CHLSN: variants seen among roughly 807,000 people sequenced by gnomAD.
CHLSN encodes cholesin.
chr7:1,022,990 C>T, the CHLSN span: 57 of 469,278 alleles, frequency 1.2e-4, no homozygotes, highest in East Asian at 2.9e-3. Context: ...GGCAGGCACA[C>T]GTGAGCTCCT....
the CHLSN span, chr7:1,091,747 G>C: frequency 5.9e-6 from 9 of 1,534,270 alleles, 1 homozygote; most frequent in South Asian, 1.2e-4. Context: ...GACTTCCCAA[G>C]CCCGGGGCGT....
chr7:1,016,319 ACACAGCAG>A, the CHLSN span, among the ~76,000 whole-genome samples: 142 of 60,350 alleles, frequency 2.4e-3, 27 homozygotes, highest in Non-Finnish European at 3.3e-3. Flanking sequence ...GCACAGCAGC[ACACAGCAG>A]CACAGCAGCA....
chr7:1,122,219 C>T, the CHLSN span, among the ~76,000 whole-genome samples: 91 of 152,362 alleles, frequency 6.0e-4, no homozygotes, highest in African/African-American at 2.1e-3. Context: ...TAAGAATCAG[C>T]TGTCAAGATG....
chr7:1,063,325 C>T, the CHLSN span, among the ~76,000 whole-genome samples: 1 of 152,230 alleles, frequency 6.6e-6, no homozygotes, highest in Non-Finnish European at 1.5e-5. Context: ...CATAAGCAAG[C>T]CCCTGGCTTT....
chr7:978,214 C>G, the CHLSN span, among the ~76,000 whole-genome samples: 12 of 152,222 alleles, frequency 7.9e-5, no homozygotes, highest in African/African-American at 2.9e-4. Context: ...GAGCAGTTCA[C>G]CGGTGTAAAA....
the CHLSN span, chr7:1,093,031 C>T: frequency 2.8e-6 from 2 of 725,312 alleles, no homozygotes; most frequent in South Asian, 3.0e-5. Flanking sequence ...CTTAGGAAAC[C>T]TCACGACTGG....
chr7:999,224 A>G, the CHLSN span, among the ~76,000 whole-genome samples: 3,442 of 152,358 alleles, frequency 0.023, 131 homozygotes, highest in East Asian at 0.19. Context: ...AACTTTGGTT[A>G]AAACAAAACA....
At chr7:1,065,903 C>G in the CHLSN span, among the ~76,000 whole-genome samples, 3 of 152,236 alleles carry the variant, frequency 2.0e-5, no homozygotes, top group Non-Finnish European at 4.4e-5. Flanking sequence ...GCCGCGGTTT[C>G]CGGCCTCAAG....
chr7:1,005,917 A>G, the CHLSN span, among the ~76,000 whole-genome samples: 7 of 152,238 alleles, frequency 4.6e-5, no homozygotes, highest in Admixed American at 4.6e-4. Context: ...ATGGTGAGCT[A>G]AAGCCTGCAG....
At chr7:1,122,141 G>A in the CHLSN span, among the ~76,000 whole-genome samples, 1 of 152,170 alleles carries the variant, frequency 6.6e-6, no homozygotes. Context: ...TCTTCCCCAG[G>A]ACCAGCTGGC....
At chr7:1,011,508 GAC>G in the CHLSN span, among the ~76,000 whole-genome samples, 1 of 130,390 alleles carries the variant, frequency 7.7e-6, no homozygotes, top group African/African-American at 3.1e-5. Flanking sequence ...CAGACACCCT[GAC>G]ACACCCACAC....
chr7:1,069,583 G>T, the CHLSN span, among the ~76,000 whole-genome samples: 1 of 131,024 alleles, frequency 7.6e-6, no homozygotes, highest in African/African-American at 3.2e-5. Flanking sequence ...GCCCCTAACC[G>T]CGAGTGATCC....
At chr7:1,111,984 T>C in the CHLSN span, among the ~76,000 whole-genome samples, 1 of 152,198 alleles carries the variant, frequency 6.6e-6, no homozygotes, top group Admixed American at 6.5e-5. Context: ...TCCATAAATT[T>C]CTCTGTATTT....
At chr7:1,068,369 C>T in the CHLSN span, among the ~76,000 whole-genome samples, 1 of 152,184 alleles carries the variant, frequency 6.6e-6, no homozygotes. Flanking sequence ...GTCACTGCCA[C>T]CCGGCAGGGA....
At chr7:1,108,342 G>T in the CHLSN span, among the ~76,000 whole-genome samples, 11 of 84,470 alleles carry the variant, frequency 1.3e-4, no homozygotes, top group Non-Finnish European at 2.4e-4. Context: ...AGGAAGCAGA[G>T]GGGGGCTGTG....
the CHLSN span, among the ~76,000 whole-genome samples, chr7:1,063,728 T>C: frequency 2.4e-4 from 37 of 152,350 alleles, no homozygotes; most frequent in African/African-American, 8.9e-4. Flanking sequence ...CCCATCTTAA[T>C]GACGTCTTGG....
At chr7:1,009,016 T>TGCACACACGTAC in the CHLSN span, among the ~76,000 whole-genome samples, 23,541 of 134,154 alleles carry the variant, frequency 0.18, 2,073 homozygotes, top group Admixed American at 0.23. Context: ...CACACACACA[T>TGCACACACGTAC]ACACATGCAC....
the CHLSN span, among the ~76,000 whole-genome samples, chr7:1,135,337 G>T: frequency 1.3e-5 from 2 of 151,794 alleles, no homozygotes; most frequent in African/African-American, 2.4e-5. Flanking sequence ...AGCTATAGTT[G>T]TATGTATATA....
chr7:1,130,651 G>A, the CHLSN span, among the ~76,000 whole-genome samples: 1 of 152,006 alleles, frequency 6.6e-6, no homozygotes, highest in African/African-American at 2.4e-5. Context: ...ACTGGGTGCA[G>A]CCGAAAAGGA....
Sources: allele counts gnomAD v4.1 joint callset (sites outside exome capture counted in the v4.1 genomes callset), GRCh38; gene constraint gnomAD v4.1.1; transcripts MANE v1.5; gene names NCBI Gene and HGNC (gene_info 2026-07-23, HGNC 2026-07-21).